PLCB1: variants seen among roughly 807,000 people sequenced by gnomAD.
PLCB1 encodes the protein phospholipase C beta 1, also known as 1-phosphatidylinositol 4,5-bisphosphate phosphodiesterase beta-1.
A neutral mutation model predicts 161.8 loss-of-function variants in PLCB1; 46 were observed. The ratio of observed to expected loss-of-function variants is 0.28; its 90% confidence interval spans 0.22 to 0.36. PLCB1 has a LOEUF of 0.36. Ranked by LOEUF, PLCB1 falls within the 10% of genes least tolerant of loss-of-function variation. PLCB1 has a pLI of 1.00. For synonymous variants in PLCB1, 517 were observed against 503.7 expected, an observed-to-expected ratio of 1.03 and a Z score of -0.35; for missense variants, 1,016 against 1,472.5, an observed-to-expected ratio of 0.69 and a Z score of 5.07.
At chr20:8,271,530 T>G (rs555480570) in intron 2 of PLCB1, among the ~76,000 whole-genome samples, 6 of 152,256 alleles carry the variant, frequency 3.9e-5, no homozygotes, top group Non-Finnish European at 7.4e-5. Flanking sequence ...CCTCTCATTG[T>G]TATTACTTTT....
chr20:8,666,362 T>C lies in PLCB1; in HGVS notation c.862+7658T>C, dbSNP rs534868991. ...ACTAAGACAAGCACTTTTCTATAAA[T>C]GGCCTTAAGGGAATCAAAAGTGAAA... On this transcript the variant is annotated intron_variant, in intron 9 of 31. Coordinates refer to ENST00000338037, the MANE Select transcript of PLCB1 (RefSeq NM_015192.4). 3.2e-4 allele frequency among the ~76,000 whole-genome samples: 48 copies of C among 152,162 alleles called. No individual in the cohort carries two copies. The South Asian group carries it at 9.8e-3, about 31-fold the overall frequency.
intron 1 of PLCB1, among the ~76,000 whole-genome samples, chr20:8,147,974 G>T (rs1286693409): frequency 2.0e-5 from 3 of 148,328 alleles, no homozygotes; most frequent in African/African-American, 7.5e-5. Flanking sequence ...CCGGGTTCAT[G>T]CCATTCTCCT....
intron 2 of PLCB1, among the ~76,000 whole-genome samples, chr20:8,345,045 TTGG>T (rs1880970003): frequency 6.6e-6 from 1 of 152,146 alleles, no homozygotes; most frequent in Non-Finnish European, 1.5e-5. Flanking sequence ...TTTAGTACAT[TTGG>T]TACAATGCAT....
At chr20:8,697,306 G>A (rs1990604986) in intron 10 of PLCB1, among the ~76,000 whole-genome samples, 1 of 152,120 alleles carries the variant, frequency 6.6e-6, no homozygotes, top group Non-Finnish European at 1.5e-5. Context: ...AAATAGTTAT[G>A]CCACAGAGAT....
intron 3 of PLCB1, among the ~76,000 whole-genome samples, chr20:8,519,912 C>T (rs1205353484): frequency 6.6e-6 from 1 of 152,220 alleles, no homozygotes; most frequent in Middle Eastern, 3.4e-3. Flanking sequence ...GATATTTGGG[C>T]CAGAACCATC....
At chr20:8,276,980 C>A (rs9305149) in intron 2 of PLCB1, among the ~76,000 whole-genome samples, 19,271 of 94,734 alleles carry the variant, frequency 0.2, 1,699 homozygotes, top group Middle Eastern at 0.31. Context: ...TCTTCTTCTT[C>A]TTCTTCTTAT....
chr20:8,414,721 A>G (rs189444737), intron 3 of PLCB1, among the ~76,000 whole-genome samples: 5 of 152,274 alleles, frequency 3.3e-5, no homozygotes, highest in Admixed American at 6.5e-5. Context: ...CATTAGCCAC[A>G]TGTAGCTGTG....
At chr20:8,301,931 G>T (rs1344607898) in intron 2 of PLCB1, among the ~76,000 whole-genome samples, 1 of 152,206 alleles carries the variant, frequency 6.6e-6, no homozygotes, top group Non-Finnish European at 1.5e-5. Flanking sequence ...CCATTTGCTG[G>T]TTCTGTGACT....
chr20:8,353,855 G>A (rs1188071085), intron 2 of PLCB1, among the ~76,000 whole-genome samples: 1 of 151,984 alleles, frequency 6.6e-6, no homozygotes, highest in East Asian at 1.9e-4. Flanking sequence ...TGAAGTATGG[G>A]CCTTAGTTAA....
rs1031299583 is a variant in PLCB1, at chr20:8,206,279, A to C, written c.177+55908A>C. On this transcript the variant is annotated intron_variant, in intron 2 of 31. Transcript: ENST00000338037. ...CTTCTCCCATTTTCCTGCATTTCTC[A>C]TCCTTCTCCCACCTTCTTGGTATTT... Among the ~76,000 whole-genome samples, 80 of 152,092 alleles carry C rather than the reference A, an allele frequency of 5.3e-4. 5 individuals carry two copies. Among genetic ancestry groups the C allele is most frequent in the Non-Finnish European group, 1.5e-5 (1 of 68,010 alleles).
chr20:8,846,691 A>T (rs1038345736), intron 31 of PLCB1, among the ~76,000 whole-genome samples: 1 of 152,178 alleles, frequency 6.6e-6, no homozygotes, highest in Non-Finnish European at 1.5e-5. Context: ...TATCATATTG[A>T]TTAACACAGT....
intron 2 of PLCB1, among the ~76,000 whole-genome samples, chr20:8,349,619 T>C (rs1213159767): frequency 6.6e-6 from 1 of 152,218 alleles, no homozygotes; most frequent in African/African-American, 2.4e-5. Flanking sequence ...AAACATTTTG[T>C]TTTGTTTTGG....
chr20:8,804,497 G>T (rs1277005840), intron 31 of PLCB1, among the ~76,000 whole-genome samples: 2 of 151,892 alleles, frequency 1.3e-5, no homozygotes, highest in African/African-American at 2.4e-5. Context: ...TAGGTCTCGT[G>T]GCTAAAGCAG....
At chr20:8,677,514 A>C (rs1356715235) in intron 9 of PLCB1, among the ~76,000 whole-genome samples, 1 of 152,174 alleles carries the variant, frequency 6.6e-6, no homozygotes, top group Non-Finnish European at 1.5e-5. Context: ...TTTCAGACTG[A>C]AAGGTTTCAA....
chr20:8,444,710 G>A (rs1307214601), intron 3 of PLCB1, among the ~76,000 whole-genome samples: 1 of 152,154 alleles, frequency 6.6e-6, no homozygotes, highest in Non-Finnish European at 1.5e-5. Context: ...TCCAGTACCT[G>A]TTGTTTCCTG....
Position 8,724,764 on chromosome 20 carries a change from C to G in PLCB1, c.1678+12C>G, listed in dbSNP as rs1453317051. 8.8e-6 allele frequency: 13 copies of G among 1,476,870 alleles called. No individual in the cohort carries two copies. The highest frequency in any genetic ancestry group is 1.2e-5 in the Non-Finnish European group (13 of 1,056,868). 91.5% of individuals were successfully genotyped at this position (1,476,870 alleles called of 1,614,324 possible). A position where few individuals can be genotyped will look rare whatever the true frequency, so the allele number is the denominator to read the frequency against. ...TGAAATTTCAAAAAGTAAGTTTTCC[C>G]TGGAGAAAAACCCCTCTTGCAGCAT... On this transcript the variant is annotated intron_variant, in intron 16 of 31. Transcript: ENST00000338037.
intron 31 of PLCB1, among the ~76,000 whole-genome samples, chr20:8,873,724 ATAAT>A (rs1227559709): frequency 1.3e-5 from 2 of 152,246 alleles, no homozygotes; most frequent in African/African-American, 4.8e-5. Context: ...TCACAAAAAT[ATAAT>A]TATTTCTCCC....
intron 2 of PLCB1, among the ~76,000 whole-genome samples, chr20:8,213,204 T>A (rs983747362): frequency 1.3e-5 from 2 of 152,182 alleles, no homozygotes; most frequent in African/African-American, 4.8e-5. Context: ...TCATAGTTGC[T>A]TTTGTGAAGC....
At position 8,722,376 on chromosome 20, in the gene PLCB1, C is replaced by A; in HGVS notation, c.1536C>A (p.Asp512Glu). The A allele has an allele frequency of 6.2e-7, 1 of 1,610,816 alleles. No individual in the cohort carries two copies. The highest frequency in any genetic ancestry group is 8.5e-7 in the Non-Finnish European group (1 of 1,178,622). The change falls in exon 15 of 32, where the codon GAC becomes GAA. Residue 512 changes from aspartate (D) to glutamate (E), a missense_variant. Coordinates refer to ENST00000338037, the MANE Select transcript of PLCB1 (RefSeq NM_015192.4). ...CAGGAGAAGCTGATACGGAAAGTGA[C>A]GACGACGATGATGATGATGACTGTA... is the stretch of plus-strand genomic sequence containing the variant. The part of the protein sequence containing the change: ...PGAGEADTES[D>E]DDDDDDDCKK...
Sources: gnomAD v4.1 joint callset for allele counts (sites outside exome capture counted in the v4.1 genomes callset) on GRCh38, gnomAD v4.1.1 for gene constraint, MANE v1.5 for transcripts, NCBI Gene and HGNC (gene_info 2026-07-23, HGNC 2026-07-21) for gene names.